GIPR: variants seen among roughly 807,000 people sequenced by gnomAD.
GIPR encodes GIP-R.
A neutral mutation model predicts 62.2 loss-of-function variants in GIPR; 74 were observed. The ratio of observed to expected loss-of-function variants is 1.19; its 90% confidence interval spans 0.99 to 1.44. The LOEUF (loss-of-function observed/expected upper bound fraction) is 1.44, where lower values mean the gene tolerates loss of function less well. Among genes scored for constraint, GIPR ranks in the 40% most tolerant of loss-of-function variants. The pLI, the probability that GIPR is intolerant of heterozygous loss-of-function variation, is 0.00. For missense variants in GIPR, 664 were observed against 611.8 expected (o/e 1.09, Z -0.90); for synonymous variants, 256 against 262.2 (o/e 0.98, Z 0.23).
intron 4 of GIPR, among the ~76,000 whole-genome samples, chr19:45,672,228 C>G (rs1975580903): frequency 6.6e-6 from 1 of 150,780 alleles, no homozygotes; most frequent in African/African-American, 2.4e-5. Flanking sequence ...GTTACCCAGG[C>G]TGGTCTTAAA....
chr19:45,680,855 A>G (rs1967189463), intron 12 of GIPR, among the ~76,000 whole-genome samples: 1 of 149,590 alleles, frequency 6.7e-6, no homozygotes, highest in African/African-American at 2.5e-5. Flanking sequence ...AAAAAAAAAA[A>G]AAAGCAAAAA....
At chr19:45,669,641 G>A (rs556155218) in intron 2 of GIPR, 49 bp downstream of exon 2, 2 of 1,543,654 alleles carry the variant, frequency 1.3e-6, no homozygotes, top group Non-Finnish European at 1.7e-6. Flanking sequence ...GGGAGGTATG[G>A]GGACGGTTTT....
chr19:45,673,868 A>G (rs919267723), intron 5 of GIPR, among the ~76,000 whole-genome samples: 2 of 152,058 alleles, frequency 1.3e-5, no homozygotes, highest in African/African-American at 4.8e-5. Context: ...TGTCTCAAAA[A>G]AAAAAAAATC....
At chr19:45,672,998 T>C in intron 5 of GIPR, 44 bp downstream of exon 5, 1 of 1,141,414 alleles carries the variant, frequency 8.8e-7, no homozygotes, top group Non-Finnish European at 1.3e-6. Flanking sequence ...CAGGGAGAGA[T>C]GGAAAGGCAG....
chr19:45,671,526 C>T (rs1975540099), intron 4 of GIPR, 134 bp downstream of exon 4: 4 of 685,730 alleles, frequency 5.8e-6, no homozygotes, highest in Admixed American at 2.1e-5. Flanking sequence ...TACTCCTTTC[C>T]GGCAGGCTGG....
In GIPR at chr19:45,671,636, A is replaced by G. The variant is rs1333796269; in HGVS notation, c.280+244A>G. ...TTATTTGGAGACGGAGTCTCGCTCT[A>G]TCGCCCAGGCTGGAGTGCAGTGGGA... On this transcript the variant is annotated intron_variant, in intron 4 of 13. Transcript: ENST00000590918. Among the ~76,000 whole-genome samples the G allele has an allele frequency of 5.9e-5, 9 of 152,102 alleles. No individual in the cohort carries two copies. In the South Asian group the frequency reaches 8.3e-4, roughly 14 times the overall value.
chr19:45,670,840 G>A, intron 3 of GIPR, 106 bp downstream of exon 3: 2 of 705,288 alleles, frequency 2.8e-6, no homozygotes, highest in South Asian at 1.7e-5. Flanking sequence ...GGGGCGCTGT[G>A]GGCTGGAGAG....
chr19:45,676,908 G>A (rs760234486), intron 7 of GIPR, 41 bp from the exon 8 acceptor site: 3 of 1,598,034 alleles, frequency 1.9e-6, no homozygotes, highest in East Asian at 4.5e-5. Flanking sequence ...AGACACCCGG[G>A]CAGCGCTGAC....
rs534626945 is a variant in GIPR, at chr19:45,682,146, G to A, written c.*211G>A. 2.0e-5 allele frequency: 12 copies of A among 593,664 alleles called. No homozygotes were observed. Among genetic ancestry groups the A allele is most frequent in the African/African-American group, 9.6e-5 (5 of 51,878 alleles). The allele number at this position is 593,664 out of a possible 1,614,324, so 36.8% of individuals were successfully genotyped here. A position where few individuals can be genotyped will look rare whatever the true frequency, so the allele number is the denominator to read the frequency against. ...CTATGGAATGGTTATGAAGGGAAGC[G>A]AGAAGGGGGCCTAGGGTGGTCTGGG... On this transcript the variant is annotated 3_prime_UTR_variant, in exon 14 of 14. Coordinates refer to ENST00000590918, the MANE Select transcript of GIPR (RefSeq NM_000164.4).
chr19:45,668,623 G>T (rs1220528701), intron 1 of GIPR, among the ~76,000 whole-genome samples: 1 of 151,974 alleles, frequency 6.6e-6, no homozygotes, highest in African/African-American at 2.4e-5. Flanking sequence ...CCGTCTCTGC[G>T]CCTCTCAGTC....
At chr19:45,678,310 G>A in intron 12 of GIPR, 84 bp downstream of exon 12, 1 of 1,426,806 alleles carries the variant, frequency 7.0e-7, no homozygotes, top group South Asian at 1.2e-5. Flanking sequence ...TCGTTCTCTG[G>A]TGCAGCCACT....
At chr19:45,671,069 C>A (rs565663277) in intron 3 of GIPR, among the ~76,000 whole-genome samples, 1 of 149,582 alleles carries the variant, frequency 6.7e-6, no homozygotes, top group African/African-American at 2.5e-5. Context: ...AGAGTGGGGC[C>A]GGGAGGAGGG....
At chr19:45,671,251 C>T in intron 3 of GIPR, 34 bp from the exon 4 acceptor site, 1 of 1,279,736 alleles carries the variant, frequency 7.8e-7, no homozygotes, top group South Asian at 1.2e-5. Flanking sequence ...CGCAGTAGGT[C>T]CACTGGGCAC....
chr19:45,668,741 G>A (rs772945033), intron 1 of GIPR, among the ~76,000 whole-genome samples: 32 of 152,214 alleles, frequency 2.1e-4, no homozygotes, highest in Non-Finnish European at 4.1e-4. Flanking sequence ...GCGGGGGCGC[G>A]GGTGAGTGGG....
intron 4 of GIPR, among the ~76,000 whole-genome samples, chr19:45,672,322 T>C (rs1408844149): frequency 6.6e-6 from 1 of 152,114 alleles, no homozygotes; most frequent in Admixed American, 6.6e-5. Context: ...GTTTTTGTTG[T>C]TGTTGAGACA....
At position 45,681,709 on chromosome 19, in the gene GIPR, T is replaced by G; in HGVS notation, c.1195-20T>G. 6.2e-7 allele frequency: 1 copy of G among 1,611,488 alleles called. No homozygotes were observed. Among genetic ancestry groups the G allele is most frequent in the Non-Finnish European group, 8.5e-7 (1 of 1,178,390 alleles). ...GCAGCGCGGGGTACGGCGCCGCCTC[T>G]GAGCGCCATCGTCTCACAGGTGCAG... On this transcript the variant is annotated intron_variant, in intron 13 of 13. Transcript: ENST00000590918.
At position 45,681,708 on chromosome 19, in the gene GIPR, CTGAGCGCCATCG is replaced by C. The variant is rs1166517776; in HGVS notation, c.1195-19_1195-8del. 1.2e-6 allele frequency: 2 copies of C among 1,611,116 alleles called. No homozygotes were observed. The highest frequency in any genetic ancestry group is 3.3e-5 in the Admixed American group (2 of 59,904). The stretch of plus-strand genomic sequence containing the variant: ...GGCAGCGCGGGGTACGGCGCCGCCT[CTGAGCGCCATCG>C]TCTCACAGGTGCAGTCGGAGATCCG... On this transcript the variant is annotated splice_polypyrimidine_tract_variant and intron_variant, in intron 13 of 13. Transcript: ENST00000590918.
At chr19:45,680,266 G>A (rs1209151557) in intron 12 of GIPR, among the ~76,000 whole-genome samples, 5 of 152,112 alleles carry the variant, frequency 3.3e-5, no homozygotes, top group Admixed American at 1.3e-4. Flanking sequence ...GGAGGCTGAG[G>A]CAGGAACATC....
chr19:45,682,227 A>T lies in GIPR; in HGVS notation c.*292A>T, dbSNP rs1310667686. On this transcript the variant is annotated 3_prime_UTR_variant, in exon 14 of 14. Transcript: ENST00000590918. The stretch of plus-strand genomic sequence containing the variant: ...ATCCCCGAAAGAGGTGAAAGAGATC[A>T]CTTTGGGGAGAGCTGGAGAACAGGA... The T allele has an allele frequency of 2.3e-6, 1 of 425,810 alleles. No individual in the cohort carries two copies. The highest frequency in any genetic ancestry group is 4.2e-6 in the Non-Finnish European group (1 of 237,936). 26.4% of individuals were successfully genotyped at this position (425,810 alleles called of 1,614,324 possible).
Sources: allele counts gnomAD v4.1 joint callset (sites outside exome capture counted in the v4.1 genomes callset), GRCh38; gene constraint gnomAD v4.1.1; transcripts MANE v1.5; gene names NCBI Gene and HGNC (gene_info 2026-07-23, HGNC 2026-07-21).